LPP: variants seen among roughly 807,000 people sequenced by gnomAD.
The protein encoded by LPP is lipoma-preferred partner.
In LPP, 38 loss-of-function variants were observed where a neutral mutation model predicts 60.4. The ratio of observed to expected loss-of-function variants is 0.63; its 90% CI spans 0.49 to 0.83. The LOEUF (loss-of-function observed/expected upper bound fraction) is 0.83, where lower values mean the gene tolerates loss of function less well. Among genes scored for constraint, LPP ranks in the 40% least tolerant of loss-of-function variants. LPP has a pLI of 0.00. For missense variants in LPP, 902 were observed against 783.6 expected (o/e 1.15, Z -1.80); for synonymous variants, 328 against 290.8 (o/e 1.13, Z -1.30).
intron 7 of LPP, among the ~76,000 whole-genome samples, chr3:188,697,895 C>T (rs1429063567): frequency 6.8e-6 from 1 of 146,694 alleles, no homozygotes; most frequent in Non-Finnish European, 1.5e-5. Flanking sequence ...TTTTTTGGCA[C>T]TATAATGGCA....
At chr3:188,450,971 A>G (rs1317058429) in intron 4 of LPP, among the ~76,000 whole-genome samples, 2 of 152,124 alleles carry the variant, frequency 1.3e-5, no homozygotes, top group Non-Finnish European at 2.9e-5. Context: ...AAGTTAGCTC[A>G]GGATTTGTGG....
At chr3:188,520,630 C>T (rs920805831) in intron 5 of LPP, among the ~76,000 whole-genome samples, 3 of 152,182 alleles carry the variant, frequency 2.0e-5, no homozygotes, top group Non-Finnish European at 4.4e-5. Context: ...AGTACTGTTT[C>T]TCAGAATTGA....
chr3:188,651,949 G>A (rs1187100929), intron 7 of LPP, among the ~76,000 whole-genome samples: 1 of 151,964 alleles, frequency 6.6e-6, no homozygotes, highest in Non-Finnish European at 1.5e-5. Context: ...CATTTTATTA[G>A]TATTTCTTAA....
chr3:188,462,870 G>T (rs2149451314), intron 4 of LPP, among the ~76,000 whole-genome samples: 1 of 151,964 alleles, frequency 6.6e-6, no homozygotes, highest in East Asian at 1.9e-4. Flanking sequence ...ACTTTGGGAG[G>T]CCGAGGCTGG....
chr3:188,723,409 T>C (rs1717202860), intron 8 of LPP, among the ~76,000 whole-genome samples: 1 of 152,066 alleles, frequency 6.6e-6, no homozygotes, highest in Non-Finnish European at 1.5e-5. Context: ...ATCAAGAGAG[T>C]TTGGGGCCCC....
At chr3:188,601,205 A>G (rs956725205) in intron 6 of LPP, among the ~76,000 whole-genome samples, 3 of 152,128 alleles carry the variant, frequency 2.0e-5, no homozygotes, top group African/African-American at 7.2e-5. Flanking sequence ...GTATTCTATT[A>G]TATGACTATA....
intron 9 of LPP, among the ~76,000 whole-genome samples, chr3:188,840,617 G>T (rs1335710085): frequency 1.3e-5 from 2 of 152,122 alleles, no homozygotes; most frequent in Non-Finnish European, 2.9e-5. Context: ...TTCCACCTCA[G>T]CCTCTCAAGT....
At chr3:188,479,859 T>C (rs1449950964) in intron 4 of LPP, among the ~76,000 whole-genome samples, 1 of 152,226 alleles carries the variant, frequency 6.6e-6, no homozygotes, top group Non-Finnish European at 1.5e-5. Context: ...TTGTTGATAG[T>C]CAGAGTTGAA....
chr3:188,657,482 C>T (rs1172528523), intron 7 of LPP, among the ~76,000 whole-genome samples: 1 of 151,704 alleles, frequency 6.6e-6, no homozygotes, highest in Non-Finnish European at 1.5e-5. Flanking sequence ...TTTAGCATTA[C>T]CAGTGGATTC....
rs371059838 is a variant in LPP, at chr3:188,657,939, T to A, written c.1113+48095T>A. Among the ~76,000 whole-genome samples the A allele has an allele frequency of 5.9e-5, 9 of 152,290 alleles. 1 individual carries two copies. Among genetic ancestry groups the A allele is most frequent in the Admixed American group, 2.0e-4 (3 of 15,296 alleles). On this transcript the variant is annotated intron_variant, in intron 7 of 11. Coordinates refer to ENST00000617246, the MANE Select transcript of LPP (RefSeq NM_001375462.1). ...TAAACTGAAAAGTGACACATAAAAA[T>A]ACATAATGGTGCAGCTCAGATATGT...
intron 9 of LPP, among the ~76,000 whole-genome samples, chr3:188,823,374 T>C (rs142561023): frequency 2.1e-4 from 32 of 152,244 alleles, no homozygotes; most frequent in African/African-American, 6.7e-4. Context: ...ATTGTAGACC[T>C]TTCTTTTAAA....
Position 188,760,251 on chromosome 3 carries a change from A to G in LPP, c.1379A>G (p.Glu460Gly), listed in dbSNP as rs775399066. 6.2e-7 allele frequency: 1 copy of G among 1,614,122 alleles called. No homozygotes were observed. The highest frequency in any genetic ancestry group is 8.5e-7 in the Non-Finnish European group (1 of 1,179,998). ...KLRGQPFYAV[E>G]KKAYCEPCYI... is the part of the protein sequence containing the mutation. ...CGAGGGCAGCCATTCTATGCTGTGG[A>G]AAAGAAAGCATACTGCGAGCCCTGC... is the stretch of plus-strand genomic sequence containing the variant. The change falls in exon 9 of 12, where the codon GAA becomes GGA. Residue 460 changes from glutamate to glycine, a missense_variant. Glu to Gly is a moderately conservative substitution (Grantham distance 98). Coordinates refer to ENST00000617246, the MANE Select transcript of LPP (RefSeq NM_001375462.1).
intron 4 of LPP, among the ~76,000 whole-genome samples, chr3:188,480,932 A>G (rs570589402): frequency 2.6e-5 from 4 of 152,326 alleles, no homozygotes; most frequent in African/African-American, 7.2e-5. Context: ...TCAGAAATCT[A>G]TTAGAATGGA....
chr3:188,222,927 T>A (rs1716342481), intron 1 of LPP, among the ~76,000 whole-genome samples: 1 of 152,096 alleles, frequency 6.6e-6, no homozygotes, highest in Admixed American at 6.6e-5. Context: ...TTAAAAAAAA[T>A]ACAGGTGGAA....
intron 1 of LPP, among the ~76,000 whole-genome samples, chr3:188,216,395 C>T (rs780175444): frequency 5.9e-5 from 9 of 151,850 alleles, no homozygotes; most frequent in Non-Finnish European, 1.3e-4. Context: ...CTCAGCCTCC[C>T]GAGTAGCTAG....
At chr3:188,856,354 TA>T (rs1233386171) in intron 9 of LPP, among the ~76,000 whole-genome samples, 1 of 152,152 alleles carries the variant, frequency 6.6e-6, no homozygotes, top group Non-Finnish European at 1.5e-5. Flanking sequence ...CAATATTCAA[TA>T]TTCAAGGGAG....
intron 8 of LPP, among the ~76,000 whole-genome samples, chr3:188,753,414 T>C (rs1272101203): frequency 2.6e-5 from 4 of 152,160 alleles, no homozygotes; most frequent in African/African-American, 2.4e-5. Flanking sequence ...TAAGCAAATC[T>C]CTGTCTATAA....
Position 188,877,944 on chromosome 3 carries a change from C to T in LPP, c.*3465C>T, listed in dbSNP as rs1769442270. The T allele has an allele frequency of 4.7e-6, 1 of 214,512 alleles. No individual in the cohort carries two copies. The highest frequency in any genetic ancestry group is 1.9e-4 in the South Asian group (1 of 5,396). The allele number at this position is 214,512 out of a possible 1,614,324, so 13.3% of individuals were successfully genotyped here. ...GTGCTGATTAAGGGGGTGGACTTAT[C>T]AACACTATAATTGTTCCCTATGAAA... is the stretch of plus-strand genomic sequence containing the variant. On this transcript the variant is annotated 3_prime_UTR_variant, in exon 12 of 12. Transcript: ENST00000617246.
chr3:188,672,372 CCT>C (rs2149268486), intron 7 of LPP, among the ~76,000 whole-genome samples: 1 of 151,888 alleles, frequency 6.6e-6, no homozygotes, highest in South Asian at 2.1e-4. Flanking sequence ...CAGAGCTTAC[CCT>C]GTTTGGTACA....
Sources: allele counts gnomAD v4.1 joint callset (sites outside exome capture counted in the v4.1 genomes callset), GRCh38; gene constraint gnomAD v4.1.1; transcripts MANE v1.5; gene names NCBI Gene and HGNC (gene_info 2026-07-23, HGNC 2026-07-21).